IQCJ: variants seen among roughly 807,000 people sequenced by gnomAD.
IQCJ encodes the protein IQ motif containing J.
IQCJ carries 9 observed loss-of-function variants against 11.0 expected under a neutral mutation model. The observed-to-expected ratio is 0.82, with a 90% CI of 0.49 to 1.43. IQCJ has a LOEUF of 1.43. Ranked by LOEUF, IQCJ falls within the 40% of genes most tolerant of loss-of-function variation. The pLI, the probability that IQCJ is intolerant of heterozygous loss-of-function variation, is 0.00. For synonymous variants in IQCJ, 55 were observed against 51.3 expected, an observed-to-expected ratio of 1.07 and a Z score of -0.31; for missense variants, 146 against 133.2, an observed-to-expected ratio of 1.10 and a Z score of -0.47.
intron 1 of IQCJ, among the ~76,000 whole-genome samples, chr3:159,111,510 C>T (rs922984167): frequency 1.3e-5 from 2 of 152,112 alleles, no homozygotes; most frequent in Non-Finnish European, 2.9e-5. Flanking sequence ...GGCTTTTGTT[C>T]TGATGATAGT....
At chr3:159,207,793 T>C (rs1309087470) in intron 1 of IQCJ, among the ~76,000 whole-genome samples, 1 of 152,186 alleles carries the variant, frequency 6.6e-6, no homozygotes, top group Non-Finnish European at 1.5e-5. Context: ...CTGGTTGGTG[T>C]TGGGAGGGGT....
At chr3:159,240,456 C>T (rs976486844) in intron 1 of IQCJ, among the ~76,000 whole-genome samples, 4 of 152,146 alleles carry the variant, frequency 2.6e-5, no homozygotes, top group African/African-American at 9.7e-5. Context: ...CAAAGCAAAA[C>T]AAATGACCTC....
chr3:159,181,420 G>A (rs144416671), intron 1 of IQCJ, among the ~76,000 whole-genome samples: 1,676 of 143,686 alleles, frequency 0.012, 37 homozygotes, highest in African/African-American at 0.038. Flanking sequence ...AACCAAGTGA[G>A]TGGCTAGACT....
chr3:159,150,951 C>T (rs1170286490), intron 1 of IQCJ, among the ~76,000 whole-genome samples: 1 of 152,192 alleles, frequency 6.6e-6, no homozygotes, highest in Non-Finnish European at 1.5e-5. Flanking sequence ...CCCGTGCCAT[C>T]CCCTGGTCCT....
intron 1 of IQCJ, among the ~76,000 whole-genome samples, chr3:159,176,007 G>A (rs2108003633): frequency 6.6e-6 from 1 of 152,242 alleles, no homozygotes; most frequent in East Asian, 1.9e-4. Context: ...AGCAATTTTA[G>A]TTGGTGTATG....
chr3:159,196,455 G>A (rs901608292), intron 1 of IQCJ, among the ~76,000 whole-genome samples: 1 of 152,178 alleles, frequency 6.6e-6, no homozygotes, highest in Non-Finnish European at 1.5e-5. Context: ...CAGGCCACAT[G>A]CCAGAACAAT....
intron 1 of IQCJ, among the ~76,000 whole-genome samples, chr3:159,154,819 G>A (rs879936679): frequency 1.3e-5 from 2 of 152,262 alleles, no homozygotes; most frequent in Admixed American, 6.5e-5. Flanking sequence ...GCCAATGGCC[G>A]TGCTCAACAC....
At chr3:159,149,611 T>C (rs960922345) in intron 1 of IQCJ, among the ~76,000 whole-genome samples, 1 of 152,198 alleles carries the variant, frequency 6.6e-6, no homozygotes, top group Non-Finnish European at 1.5e-5. Flanking sequence ...ATGATATTCC[T>C]GGGAAAGCCT....
chr3:159,240,986 T>C (rs545843490), intron 1 of IQCJ, among the ~76,000 whole-genome samples: 2 of 152,326 alleles, frequency 1.3e-5, no homozygotes, highest in East Asian at 3.9e-4. Flanking sequence ...ATGCTATGGC[T>C]CATCTTAGAA....
chr3:159,203,898 G>A (rs1577078820), intron 1 of IQCJ, among the ~76,000 whole-genome samples: 1 of 152,292 alleles, frequency 6.6e-6, no homozygotes, highest in East Asian at 1.9e-4. Context: ...TGAGAAGGTT[G>A]TGTCCCTGTG....
intron 1 of IQCJ, among the ~76,000 whole-genome samples, chr3:159,122,768 A>G (rs750279379): frequency 6.6e-6 from 1 of 152,202 alleles, no homozygotes; most frequent in Non-Finnish European, 1.5e-5. Flanking sequence ...GAAGTAATTT[A>G]TGCTGTCAGA....
intron 1 of IQCJ, among the ~76,000 whole-genome samples, chr3:159,084,691 C>T (rs1306737464): frequency 6.6e-6 from 1 of 152,064 alleles, no homozygotes; most frequent in African/African-American, 2.4e-5. Flanking sequence ...CAGAGGTTAC[C>T]TTCCCTCCAG....
At chr3:159,191,599 G>A (rs1395403554) in intron 1 of IQCJ, among the ~76,000 whole-genome samples, 1 of 152,170 alleles carries the variant, frequency 6.6e-6, no homozygotes, top group Non-Finnish European at 1.5e-5. Context: ...ATTAGAGTGA[G>A]TTCATGCAGA....
chr3:159,173,325 G>A lies in IQCJ; in HGVS notation c.10-72518G>A, dbSNP rs533437520. On this transcript the variant is annotated intron_variant, in intron 1 of 3. Coordinates refer to ENST00000397832, the MANE Select transcript of IQCJ (RefSeq NM_001042706.3). Reference sequence around the variant, plus strand: ...ACACTGATACAATGTTCAGAAATAGGTTGTCCTTGGAACTCAGATGGTTTT... The same window carrying A: ...ACACTGATACAATGTTCAGAAATAGATTGTCCTTGGAACTCAGATGGTTTT... 2.7e-4 allele frequency among the ~76,000 whole-genome samples: 41 copies of A among 152,110 alleles called. 1 individual carries two copies. The highest frequency in any genetic ancestry group is 5.6e-4 in the Non-Finnish European group (38 of 68,006).
intron 1 of IQCJ, among the ~76,000 whole-genome samples, chr3:159,207,429 G>A (rs1724714410): frequency 6.6e-6 from 1 of 151,988 alleles, no homozygotes; most frequent in Non-Finnish European, 1.5e-5. Flanking sequence ...AAGAGCTATA[G>A]CATTTCAAAA....
At chr3:159,119,656 C>A in intron 1 of IQCJ, among the ~76,000 whole-genome samples, 1 of 152,172 alleles carries the variant, frequency 6.6e-6, no homozygotes, top group Non-Finnish European at 1.5e-5. Flanking sequence ...TAAGGATCTT[C>A]AGAATGTTGT....
At chr3:159,134,356 G>C (rs1035937745) in intron 1 of IQCJ, among the ~76,000 whole-genome samples, 1 of 152,158 alleles carries the variant, frequency 6.6e-6, no homozygotes, top group African/African-American at 2.4e-5. Context: ...TTCAAGAATA[G>C]ATGGTTACAC....
intron 1 of IQCJ, among the ~76,000 whole-genome samples, chr3:159,104,309 T>C (rs1718113503): frequency 6.6e-6 from 1 of 152,214 alleles, no homozygotes; most frequent in Non-Finnish European, 1.5e-5. Flanking sequence ...GGTCCCTCTC[T>C]TGTGAGTTTA....
intron 1 of IQCJ, among the ~76,000 whole-genome samples, chr3:159,104,882 A>G (rs1209818028): frequency 3.3e-5 from 5 of 152,160 alleles, no homozygotes; most frequent in Non-Finnish European, 7.3e-5. Context: ...TCCTTATTGA[A>G]ACCAAGGTCA....
Sources: allele counts gnomAD v4.1 joint callset (sites outside exome capture counted in the v4.1 genomes callset), GRCh38; gene constraint gnomAD v4.1.1; transcripts MANE v1.5; gene names NCBI Gene and HGNC (gene_info 2026-07-23, HGNC 2026-07-21).